NPY2R: variants seen among roughly 807,000 people sequenced by gnomAD.
The protein encoded by NPY2R is neuropeptide Y receptor type 2.
Under a neutral mutation model 22.3 loss-of-function variants are expected in NPY2R, and 17 were observed. The observed-to-expected ratio is 0.76, with a 90% CI of 0.52 to 1.14. The LOEUF is 1.14. Ranked by LOEUF, NPY2R falls within the 50% of genes most tolerant of loss-of-function variation. The probability of loss-of-function intolerance (pLI) is 0.00; values close to 1 mark genes in which losing one functional copy is unlikely to be tolerated. For missense variants in NPY2R, 424 were observed against 467.9 expected, an observed-to-expected ratio of 0.91 and a Z score of 0.87; for synonymous variants, 209 against 183.4, an observed-to-expected ratio of 1.14 and a Z score of -1.13.
intron 1 of NPY2R, among the ~76,000 whole-genome samples, chr4:155,212,693 A>G (rs1341995031): frequency 6.6e-6 from 1 of 152,244 alleles, no homozygotes; most frequent in Non-Finnish European, 1.5e-5. Flanking sequence ...AATCATGATA[A>G]GAGATTAAGA....
At chr4:155,180,094 A>AT in the NPY2R span, among the ~76,000 whole-genome samples, 64 of 109,310 alleles carry the variant, frequency 5.9e-4, no homozygotes, top group Admixed American at 1.6e-3. Flanking sequence ...CTTTTTCTTT[A>AT]TTTTTTCTTA....
Position 155,214,888 on chromosome 4 carries a change from T to C in NPY2R, c.949T>C (p.Ser317Pro), listed in dbSNP as rs899212750. Residue 317 changes from serine (S) to proline (P), a missense_variant, in exon 2 of 2, where the codon TCC (serine) becomes CCC (proline). Physicochemically the swap from Ser to Pro is moderately conservative, Grantham distance 74 (BLOSUM62 -1). Transcript: ENST00000329476. Reference sequence around the variant, plus strand: ...AGTGTTCCACATCATCGCCATGTGCTCCACTTTTGCCAATCCCCTTCTCTA... The same window carrying C: ...AGTGTTCCACATCATCGCCATGTGCCCCACTTTTGCCAATCCCCTTCTCTA... ...FTVFHIIAMC[S>P]TFANPLLYGW... 4.3e-6 allele frequency: 7 copies of C among 1,612,086 alleles called. No homozygotes were observed. Among genetic ancestry groups the C allele is most frequent in the Non-Finnish European group, 5.1e-6 (6 of 1,178,692 alleles).
At chr4:155,187,214 A>G in the NPY2R span, among the ~76,000 whole-genome samples, 1 of 152,186 alleles carries the variant, frequency 6.6e-6, no homozygotes, top group Non-Finnish European at 1.5e-5. Flanking sequence ...ACTACATCAG[A>G]CCTCAGAGAG....
the NPY2R span, among the ~76,000 whole-genome samples, chr4:155,181,726 T>G: frequency 6.6e-6 from 1 of 152,318 alleles, no homozygotes; most frequent in South Asian, 2.1e-4. Flanking sequence ...CATCTTGGAC[T>G]TCCTAGCCCC....
At chr4:155,194,510 T>C in the NPY2R span, among the ~76,000 whole-genome samples, 2 of 152,034 alleles carry the variant, frequency 1.3e-5, no homozygotes, top group African/African-American at 4.8e-5. Context: ...TTTGACTTTC[T>C]ATATCTGCAT....
chr4:155,209,722 A>AG (rs1190400386), intron 1 of NPY2R, among the ~76,000 whole-genome samples: 1 of 151,982 alleles, frequency 6.6e-6, no homozygotes, highest in East Asian at 1.9e-4. Flanking sequence ...TAATTAGTGT[A>AG]GGCAAATGCA....
the NPY2R span, among the ~76,000 whole-genome samples, chr4:155,185,320 G>A: frequency 1.3e-5 from 2 of 152,066 alleles, no homozygotes; most frequent in African/African-American, 4.8e-5. Context: ...TTACAGGCGT[G>A]AGCCACCGCG....
the NPY2R span, among the ~76,000 whole-genome samples, chr4:155,176,627 T>A: frequency 9.2e-5 from 14 of 152,276 alleles, no homozygotes; most frequent in African/African-American, 3.4e-4. Context: ...CCCACAGATC[T>A]TTAACATTTA....
At chr4:155,210,715 G>A (rs1206738379) in intron 1 of NPY2R, among the ~76,000 whole-genome samples, 2 of 152,186 alleles carry the variant, frequency 1.3e-5, no homozygotes, top group Non-Finnish European at 2.9e-5. Flanking sequence ...TGCAGAGGGA[G>A]CAGGAATATA....
At chr4:155,199,962 C>G in the NPY2R span, among the ~76,000 whole-genome samples, 10 of 151,988 alleles carry the variant, frequency 6.6e-5, no homozygotes, top group African/African-American at 2.4e-4. Context: ...CAAAGACTTC[C>G]TGACGACAAC....
Position 155,214,248 on chromosome 4 carries a change from T to A in NPY2R, c.309T>A (p.Cys103Ter). Residue 103 changes from cysteine (C) to a stop codon, truncating the protein, a stop_gained, in exon 2 of 2, where the codon TGT becomes TGA. Coordinates refer to ENST00000329476, the MANE Select transcript of NPY2R (RefSeq NM_000910.4). LOFTEE classifies it high-confidence loss of function. ...AVADLLVNTL[C>*]LPFTLTYTLM... ...CAGATCTTTTGGTGAACACTCTGTG[T>A]CTACCGTTCACTCTTACCTATACCT... The A allele has an allele frequency of 6.2e-7, 1 of 1,614,148 alleles. No homozygotes were observed. The highest frequency in any genetic ancestry group is 1.1e-5 in the South Asian group (1 of 91,086).
chr4:155,174,065 A>G, the NPY2R span: 1 of 151,938 alleles, frequency 6.6e-6, no homozygotes, highest in Non-Finnish European at 1.5e-5. Flanking sequence ...GTTTTTTGAC[A>G]TCTGTAGGTG....
At chr4:155,198,509 C>A in the NPY2R span, among the ~76,000 whole-genome samples, 6 of 103,986 alleles carry the variant, frequency 5.8e-5, no homozygotes, top group African/African-American at 1.6e-4. Context: ...TTTTATATAT[C>A]AAATATATTT....
At chr4:155,179,801 G>T in the NPY2R span, among the ~76,000 whole-genome samples, 1 of 152,052 alleles carries the variant, frequency 6.6e-6, no homozygotes, top group African/African-American at 2.4e-5. Context: ...ATTCTAGATT[G>T]CTTGATCTCC....
At position 155,216,934 on chromosome 4, in the gene NPY2R, G is replaced by A. The variant is rs1729528547; in HGVS notation, c.*1849G>A. The A allele has an allele frequency of 6.0e-6, 1 of 166,936 alleles. No individual in the cohort carries two copies. Among genetic ancestry groups the A allele is most frequent in the Non-Finnish European group, 1.5e-5 (1 of 68,098 alleles). 10.3% of individuals were successfully genotyped at this position (166,936 alleles called of 1,614,324 possible). A position where few individuals can be genotyped will look rare whatever the true frequency, so the allele number is the denominator to read the frequency against. ...CTGTAAGAAATGTATATGCTACTGT[G>A]TTACATGTTGTATTAGTAAATTATT... On this transcript the variant is annotated 3_prime_UTR_variant, in exon 2 of 2. Coordinates refer to ENST00000329476, the MANE Select transcript of NPY2R (RefSeq NM_000910.4).
chr4:155,198,489 T>A, the NPY2R span, among the ~76,000 whole-genome samples: 1 of 134,816 alleles, frequency 7.4e-6, no homozygotes, highest in Non-Finnish European at 1.6e-5. Context: ...TGATATAAAG[T>A]ACTACATATT....
Position 155,215,208 on chromosome 4 carries a change from T to G in NPY2R, c.*123T>G, listed in dbSNP as rs1393549916. ...GAAGAAGTGGATCTAAATGGAAGCA[T>G]CTGCTGTTTAATTCCTGGAAAACTG... On this transcript the variant is annotated 3_prime_UTR_variant, in exon 2 of 2. Transcript: ENST00000329476. 63 of 945,528 alleles carry G rather than the reference T, an allele frequency of 6.7e-5. No individual in the cohort carries two copies. Among genetic ancestry groups the G allele is most frequent in the Non-Finnish European group, 1.0e-5 (6 of 593,532 alleles). 58.6% of individuals were successfully genotyped at this position (945,528 alleles called of 1,614,324 possible). A position where few individuals can be genotyped will look rare whatever the true frequency, so the allele number is the denominator to read the frequency against.
the NPY2R span, among the ~76,000 whole-genome samples, chr4:155,195,010 T>G: frequency 5.5e-4 from 84 of 151,992 alleles, no homozygotes; most frequent in Non-Finnish European, 4.3e-4. Flanking sequence ...TTTTTTCACA[T>G]GCTTTTTGGT....
intron 1 of NPY2R, among the ~76,000 whole-genome samples, 160 bp downstream of exon 1, chr4:155,209,229 A>G (rs1218831016): frequency 1.3e-5 from 2 of 152,168 alleles, no homozygotes; most frequent in Admixed American, 1.3e-4. Context: ...ATGTAATACC[A>G]TCCCCATTTT....
Sources: allele counts gnomAD v4.1 joint callset (sites outside exome capture counted in the v4.1 genomes callset), GRCh38; gene constraint gnomAD v4.1.1; transcripts MANE v1.5; gene names NCBI Gene and HGNC (gene_info 2026-07-23, HGNC 2026-07-21).